SNX25: variants seen among roughly 807,000 people sequenced by gnomAD.
The protein encoded by SNX25 is sorting nexin-25.
SNX25 carries 62 observed loss-of-function variants against 113.7 expected under a neutral mutation model. The ratio of observed to expected loss-of-function variants is 0.55; its 90% confidence interval spans 0.44 to 0.67. The LOEUF (loss-of-function observed/expected upper bound fraction) is 0.67. SNX25 is among the 30% of genes least tolerant of loss of function. The probability of loss-of-function intolerance (pLI) is 0.00; values close to 1 mark genes in which losing one functional copy is unlikely to be tolerated. For synonymous variants in SNX25, 421 were observed against 436.2 expected (o/e 0.97, Z 0.43); for missense variants, 1,014 against 1,161.0 (o/e 0.87, Z 1.84).
intron 6 of SNX25, among the ~76,000 whole-genome samples, chr4:185,301,807 G>A (rs757863011): frequency 1.3e-5 from 2 of 151,994 alleles, no homozygotes; most frequent in African/African-American, 2.4e-5. Flanking sequence ...GACTGGTCTC[G>A]AACTCCTGAC....
At chr4:185,262,780 T>C (rs186600356) in intron 3 of SNX25, among the ~76,000 whole-genome samples, 5 of 152,294 alleles carry the variant, frequency 3.3e-5, no homozygotes, top group African/African-American at 9.6e-5. Flanking sequence ...CAGAGGTACG[T>C]AGTAGGAATC....
chr4:185,376,643 T>C, the SNX25 span, among the ~76,000 whole-genome samples: 1 of 152,086 alleles, frequency 6.6e-6, no homozygotes, highest in Non-Finnish European at 1.5e-5. Flanking sequence ...ATATAAAAAT[T>C]TGATTTTTAA....
At chr4:185,294,412 A>AT (rs1315351155) in intron 6 of SNX25, among the ~76,000 whole-genome samples, 2 of 152,152 alleles carry the variant, frequency 1.3e-5, no homozygotes, top group African/African-American at 4.8e-5. Flanking sequence ...TCATCTTTAG[A>AT]TTGAGTGCTC....
At chr4:185,287,426 G>A (rs1056202419) in intron 5 of SNX25, among the ~76,000 whole-genome samples, 2 of 152,196 alleles carry the variant, frequency 1.3e-5, no homozygotes, top group South Asian at 2.1e-4. Context: ...GCTGCACTCA[G>A]GCAGGGCAGT....
chr4:185,212,465 G>A (rs3112885), intron 1 of SNX25, among the ~76,000 whole-genome samples: 3 of 35,088 alleles, frequency 8.5e-5, no homozygotes, highest in African/African-American at 8.4e-5. Flanking sequence ...TTTGTGTGAT[G>A]TGTGTGTGTG....
chr4:185,225,256 C>G (rs927210519), intron 1 of SNX25, among the ~76,000 whole-genome samples: 1 of 151,926 alleles, frequency 6.6e-6, no homozygotes, highest in Non-Finnish European at 1.5e-5. Flanking sequence ...GTAGCTGGAA[C>G]TATAGGCGCC....
intron 2 of SNX25, among the ~76,000 whole-genome samples, chr4:185,253,723 C>G (rs1054203316): frequency 1.3e-5 from 2 of 152,234 alleles, no homozygotes; most frequent in Non-Finnish European, 2.9e-5. Context: ...CCGGCCTTGG[C>G]CTCCCAAAGT....
At chr4:185,240,408 C>T (rs1424878516) in intron 1 of SNX25, among the ~76,000 whole-genome samples, 3 of 148,914 alleles carry the variant, frequency 2.0e-5, no homozygotes, top group Non-Finnish European at 3.0e-5. Flanking sequence ...GACCCCCCCA[C>T]CTCCCTCCCG....
intron 6 of SNX25, among the ~76,000 whole-genome samples, chr4:185,310,310 G>A (rs895707153): frequency 1.3e-5 from 2 of 152,158 alleles, no homozygotes; most frequent in African/African-American, 4.8e-5. Context: ...GCTTATGAAT[G>A]AGTATTTGTA....
At chr4:185,231,844 A>T (rs934781587) in intron 1 of SNX25, among the ~76,000 whole-genome samples, 2 of 152,200 alleles carry the variant, frequency 1.3e-5, no homozygotes, top group African/African-American at 4.8e-5. Context: ...TCATCAATTA[A>T]AAGGGATATA....
At chr4:185,328,798 A>T (rs1334994311) in intron 9 of SNX25, among the ~76,000 whole-genome samples, 1 of 152,148 alleles carries the variant, frequency 6.6e-6, no homozygotes, top group Non-Finnish European at 1.5e-5. Flanking sequence ...GAGAGGGAGA[A>T]TGGCGGATTG....
intron 1 of SNX25, among the ~76,000 whole-genome samples, chr4:185,228,135 G>A (rs1741288377): frequency 6.6e-6 from 1 of 152,190 alleles, no homozygotes; most frequent in Non-Finnish European, 1.5e-5. Flanking sequence ...GGTTTACAGT[G>A]TGTGGCCTGT....
chr4:185,327,726 G>T (rs943002486), intron 9 of SNX25, among the ~76,000 whole-genome samples: 6 of 152,078 alleles, frequency 3.9e-5, no homozygotes, highest in Non-Finnish European at 7.4e-5. Flanking sequence ...ACTGCCTAAG[G>T]CCACCAGATT....
At chr4:185,320,568 A>G (rs1205852360) in intron 7 of SNX25, among the ~76,000 whole-genome samples, 165 bp from the exon 8 acceptor site, 1 of 151,590 alleles carries the variant, frequency 6.6e-6, no homozygotes. Flanking sequence ...AAACCTGTAC[A>G]TTTACTTAAA....
intron 5 of SNX25, among the ~76,000 whole-genome samples, chr4:185,280,345 A>T (rs1189661476): frequency 2.0e-5 from 3 of 152,262 alleles, no homozygotes; most frequent in Non-Finnish European, 2.9e-5. Flanking sequence ...GCATTAGCAT[A>T]TTTAATTGTG....
chr4:185,332,762 A>T lies in SNX25; in HGVS notation c.1914+3A>T. On this transcript the variant is annotated splice_donor_region_variant and intron_variant, in intron 10 of 18. Coordinates refer to ENST00000652585, the MANE Select transcript of SNX25 (RefSeq NM_001378034.2). Reference sequence around the variant, plus strand: ...ATGCACCAAAACCTGACAAGAAGGTAACTCTTTGCTTTCAAGGTTGTCTTT... The same window carrying T: ...ATGCACCAAAACCTGACAAGAAGGTTACTCTTTGCTTTCAAGGTTGTCTTT... The T allele has an allele frequency of 1.8e-5, 29 of 1,612,182 alleles. No individual in the cohort carries two copies. The highest frequency in any genetic ancestry group is 2.5e-5 in the Non-Finnish European group (29 of 1,179,324).
At chr4:185,283,563 A>C (rs1440277154) in intron 5 of SNX25, among the ~76,000 whole-genome samples, 1 of 152,234 alleles carries the variant, frequency 6.6e-6, no homozygotes, top group Admixed American at 6.5e-5. Flanking sequence ...CATTGGCCAT[A>C]CTTACGTACT....
chr4:185,321,001 T>C (rs1307621286), intron 8 of SNX25, 137 bp downstream of exon 8: 2 of 659,900 alleles, frequency 3.0e-6, no homozygotes, highest in African/African-American at 3.8e-5. Context: ...CATTATGTTC[T>C]AGCCCATAAT....
In SNX25 at chr4:185,342,491, C is replaced by T. The variant is rs145584570; in HGVS notation, c.2187+375C>T. ...GATTCTATCACATATACAAGGGAGG[C>T]AGTAAGGTGCGGTGCTTGGAGGATT... On this transcript the variant is annotated intron_variant, in intron 12 of 18. Coordinates refer to ENST00000652585, the MANE Select transcript of SNX25 (RefSeq NM_001378034.2). Among the ~76,000 whole-genome samples the T allele has an allele frequency of 9.6e-3, 1,460 of 152,090 alleles. 27 individuals are homozygous for T. The highest frequency in any genetic ancestry group is 0.034 in the African/African-American group (1,400 of 41,470).
Sources: allele counts gnomAD v4.1 joint callset (sites outside exome capture counted in the v4.1 genomes callset), GRCh38; gene constraint gnomAD v4.1.1; transcripts MANE v1.5; gene names NCBI Gene and HGNC (gene_info 2026-07-23, HGNC 2026-07-21).